MEAK7: variants seen among roughly 807,000 people sequenced by gnomAD.
The protein encoded by MEAK7 is MTOR associated protein MEAK7, also known as MTOR-associated protein MEAK7.
Under a neutral mutation model 40.5 loss-of-function variants are expected in MEAK7, and 68 were observed. That is an observed-to-expected ratio of 1.68 (90% CI 1.38 to 2.06). The LOEUF (loss-of-function observed/expected upper bound fraction) is 2.06. MEAK7 is among the 30% of genes most tolerant of loss of function. The pLI is 0.00. For missense variants in MEAK7, 918 were observed against 580.5 expected (o/e 1.58, Z -5.98); for synonymous variants, 338 against 231.9 (o/e 1.46, Z -4.16).
intron 3 of MEAK7, among the ~76,000 whole-genome samples, chr16:84,492,704 C>T (rs1251868710): frequency 1.3e-5 from 2 of 152,122 alleles, no homozygotes; most frequent in African/African-American, 4.8e-5. Flanking sequence ...GCCTTGGCCT[C>T]CCGAGTAGCT....
intron 6 of MEAK7, among the ~76,000 whole-genome samples, chr16:84,481,184 A>G (rs1227636672): frequency 6.6e-6 from 1 of 152,204 alleles, no homozygotes; most frequent in East Asian, 1.9e-4. Context: ...TGTGTGGCTT[A>G]CAGGATGCGG....
chr16:84,486,852 A>C lies in MEAK7; in HGVS notation c.737T>G (p.Leu246Arg), dbSNP rs1913119217. Reference sequence around the variant, plus strand: ...GATGTACATGACAGAGAGGACATCCAGGATGCTCTCAAAACCCCTGCCCTG... The same window carrying C: ...GATGTACATGACAGAGAGGACATCCCGGATGCTCTCAAAACCCCTGCCCTG... ...VDQGRGFESILDVLSVMYINA... is the reference protein window; with the variant it reads ...VDQGRGFESIRDVLSVMYINA... Residue 246 changes from leucine (L) to arginine (R), a missense_variant, in exon 5 of 8, where the codon CTG becomes CGG. Leu to Arg is a moderately radical substitution (Grantham distance 102). Transcript: ENST00000343629. 6.2e-7 allele frequency: 1 copy of C among 1,614,196 alleles called. No individual in the cohort carries two copies. Among genetic ancestry groups the C allele is most frequent in the Non-Finnish European group, 8.5e-7 (1 of 1,180,038 alleles).
chr16:84,486,229 T>TG lies in MEAK7; in HGVS notation c.958+401dup, dbSNP rs11389603. On this transcript the variant is annotated intron_variant, in intron 5 of 7. Transcript: ENST00000343629. ...CTTTCATCCAGTGCATTCAAGGTCA[T>TG]GCACAAAGCTTCCAAATTCCAACAA... is the stretch of plus-strand genomic sequence containing the variant. 9.1e-3 allele frequency: 1,702 copies of TG among 186,606 alleles called. 35 individuals are homozygous for TG. The highest frequency in any genetic ancestry group is 0.038 in the African/African-American group (1,609 of 42,474). 11.6% of individuals were successfully genotyped at this position (186,606 alleles called of 1,614,324 possible). A position where few individuals can be genotyped will look rare whatever the true frequency, so the allele number is the denominator to read the frequency against.
chr16:84,501,563 A>G (rs1914508279), intron 1 of MEAK7, among the ~76,000 whole-genome samples: 1 of 152,136 alleles, frequency 6.6e-6, no homozygotes, highest in Admixed American at 6.5e-5. Context: ...CCAGAAATGC[A>G]CAGAAGCGGC....
At position 84,480,620 on chromosome 16, in the gene MEAK7, G is replaced by A. The variant is rs1434757163; in HGVS notation, c.1166C>T (p.Thr389Met). The change falls in exon 7 of 8, where the codon ACG becomes ATG. Residue 389 changes from threonine to methionine, a missense_variant. Thr to Met is a moderately conservative substitution (Grantham distance 81). Transcript: ENST00000343629. ...AGCCGACAGCTGCGGGCTGTTGTAC[G>A]TGGTGCACGTGGGCTTGGCTCTGCT... The part of the protein sequence containing the change: ...GHSRAKPTCT[T>M]YNSPQLSAQE... 1.1e-5 allele frequency: 17 copies of A among 1,613,934 alleles called. No homozygotes were observed. Among genetic ancestry groups the A allele is most frequent in the South Asian group, 5.5e-5 (5 of 91,084 alleles).
rs748695832 is a variant in MEAK7 at position 84,479,921 on chromosome 16, C to T, written c.1363G>A (p.Asp455Asn). 2.3e-5 allele frequency: 37 copies of T among 1,596,088 alleles called. No individual in the cohort carries two copies. Among genetic ancestry groups the T allele is most frequent in the Middle Eastern group, 1.8e-4 (1 of 5,644 alleles). ...HSEGLREVPD[D>N]E is the part of the protein sequence containing the mutation. Reference sequence around the variant, plus strand: ...AAGGCTCAGGCGGCTCCTCATTCATCGTCCGGGACTTCCCGGAGCCCTTCG... The same window carrying T: ...AAGGCTCAGGCGGCTCCTCATTCATTGTCCGGGACTTCCCGGAGCCCTTCG... The change falls in exon 8 of 8, where the codon GAT becomes AAT. Residue 455 changes from aspartate to asparagine, a missense_variant. Transcript: ENST00000343629.
chr16:84,490,688 G>GTT, intron 3 of MEAK7, among the ~76,000 whole-genome samples: 1 of 147,876 alleles, frequency 6.8e-6, no homozygotes, highest in East Asian at 2.0e-4. Flanking sequence ...GTGTGTGTGT[G>GTT]TGTGTGTATT....
intron 3 of MEAK7, among the ~76,000 whole-genome samples, chr16:84,490,550 T>C (rs1913495624): frequency 6.7e-6 from 1 of 148,424 alleles, no homozygotes; most frequent in African/African-American, 2.5e-5. Flanking sequence ...ACTTTTGAAA[T>C]ACCAGTCATT....
At chr16:84,502,742 G>C (rs559839073) in intron 1 of MEAK7, 1 of 152,358 alleles carries the variant, frequency 6.6e-6, no homozygotes, top group East Asian at 1.9e-4. Flanking sequence ...GTGGTGGCGT[G>C]TGACTATAGT....
At chr16:84,481,897 G>A (rs1912584775) in intron 6 of MEAK7, among the ~76,000 whole-genome samples, 1 of 152,098 alleles carries the variant, frequency 6.6e-6, no homozygotes, top group Admixed American at 6.5e-5. Context: ...TCGCGCCACT[G>A]CACTCCAGCC....
intron 5 of MEAK7, chr16:84,486,262 C>T (rs1038614745): frequency 2.9e-4 from 55 of 190,970 alleles, no homozygotes; most frequent in African/African-American, 1.1e-3. Context: ...CAAGCAAACG[C>T]GTGGCGGTGG....
At chr16:84,496,491 G>C (rs527366508) in intron 2 of MEAK7, among the ~76,000 whole-genome samples, 2 of 151,964 alleles carry the variant, frequency 1.3e-5, no homozygotes, top group Non-Finnish European at 2.9e-5. Flanking sequence ...TAAACTCTCC[G>C]CTCCTTAAAG....
intron 1 of MEAK7, among the ~76,000 whole-genome samples, chr16:84,498,369 G>T (rs1413213721): frequency 1.3e-5 from 2 of 152,090 alleles, no homozygotes; most frequent in South Asian, 2.1e-4. Context: ...CCTGGGCTCG[G>T]GCAATCCTCC....
Position 84,477,590 on chromosome 16 carries a change from T to TA in MEAK7, c.*2322dup, listed in dbSNP as rs1257329566. On this transcript the variant is annotated 3_prime_UTR_variant, in exon 8 of 8. Transcript: ENST00000343629. ...TTGCAACGCGGACAAATTTTTTTTT[T>TA]AACCCCTTCCTCCTAGCACTTTCTA... is the stretch of plus-strand genomic sequence containing the variant. 1 of 149,572 alleles carries TA rather than the reference T, an allele frequency of 6.7e-6. No individual in the cohort carries two copies. The highest frequency in any genetic ancestry group is 1.5e-5 in the Non-Finnish European group (1 of 67,794). The allele number at this position is 149,572 out of a possible 1,614,324, so 9.3% of individuals were successfully genotyped here.
chr16:84,481,455 C>T (rs1168458547), intron 6 of MEAK7, among the ~76,000 whole-genome samples: 2 of 152,202 alleles, frequency 1.3e-5, no homozygotes, highest in Non-Finnish European at 2.9e-5. Flanking sequence ...AGGCTGGCAC[C>T]CTCACTCCTG....
chr16:84,496,614 G>A (rs1914072860), intron 2 of MEAK7, among the ~76,000 whole-genome samples: 2 of 152,056 alleles, frequency 1.3e-5, no homozygotes, highest in South Asian at 4.2e-4. Context: ...AAATAAGTAG[G>A]GGGCCCAGAC....
At chr16:84,484,355 G>A (rs1180722642) in intron 5 of MEAK7, among the ~76,000 whole-genome samples, 4 of 152,188 alleles carry the variant, frequency 2.6e-5, no homozygotes, top group South Asian at 2.1e-4. Context: ...AGCACCTGAC[G>A]CTCGGCCGCC....
intron 1 of MEAK7, among the ~76,000 whole-genome samples, chr16:84,499,531 T>A (rs567904633): frequency 1.1e-4 from 17 of 152,324 alleles, no homozygotes; most frequent in Non-Finnish European, 2.2e-4. Flanking sequence ...TGCGATGAGA[T>A]TCACATAAAA....
At chr16:84,494,295 C>T (rs1446512010) in intron 3 of MEAK7, among the ~76,000 whole-genome samples, 3 of 152,078 alleles carry the variant, frequency 2.0e-5, no homozygotes, top group Non-Finnish European at 4.4e-5. Context: ...CAAAATAAAC[C>T]ATAGTACACT....
Sources: allele counts gnomAD v4.1 joint callset (sites outside exome capture counted in the v4.1 genomes callset), GRCh38; gene constraint gnomAD v4.1.1; transcripts MANE v1.5; gene names NCBI Gene and HGNC (gene_info 2026-07-23, HGNC 2026-07-21).